The following FRMD3 variants were observed in gnomAD, a reference collection of about 807,000 sequenced individuals.
FRMD3 encodes FERM domain containing 3.
Under a neutral mutation model 70.2 loss-of-function variants are expected in FRMD3, and 33 were observed. That is an observed-to-expected ratio of 0.47 (90% CI 0.36 to 0.63). The LOEUF is 0.63. Ranked by LOEUF, FRMD3 falls within the 20% of genes least tolerant of loss-of-function variation. FRMD3 has a pLI of 0.00. For synonymous variants in FRMD3, 279 were observed against 255.9 expected, an observed-to-expected ratio of 1.09 and a Z score of -0.86; for missense variants, 632 against 711.4, an observed-to-expected ratio of 0.89 and a Z score of 1.27.
intron 13 of FRMD3, among the ~76,000 whole-genome samples, chr9:83,290,123 G>A (rs1485918171): frequency 6.6e-6 from 1 of 152,160 alleles, no homozygotes; most frequent in Non-Finnish European, 1.5e-5. Context: ...CAATTTAATT[G>A]TGATTACAGT....
rs73481824 is a variant in FRMD3 at position 83,292,483 on chromosome 9, C to A, written c.1071-1756G>T. On this transcript the variant is annotated intron_variant, in intron 12 of 13. Transcript: ENST00000304195. ...CCCCAAGAAACACATTTTATATAATCTCCCTGTACCCAAACACACACAGGA... is the reference window on the plus strand; with the variant it reads ...CCCCAAGAAACACATTTTATATAATATCCCTGTACCCAAACACACACAGGA... 8.4e-3 allele frequency among the ~76,000 whole-genome samples: 1,272 copies of A among 151,854 alleles called. 18 individuals are homozygous for A. Among genetic ancestry groups the A allele is most frequent in the African/African-American group, 0.029 (1,215 of 41,422 alleles).
intron 1 of FRMD3, among the ~76,000 whole-genome samples, chr9:83,485,921 GA>G (rs928835063): frequency 2.0e-5 from 3 of 150,446 alleles, no homozygotes; most frequent in Admixed American, 6.6e-5. Flanking sequence ...AAAATTTAAG[GA>G]AAAAAAAGAG....
intron 13 of FRMD3, among the ~76,000 whole-genome samples, chr9:83,265,301 G>A (rs1000135898): frequency 6.6e-6 from 1 of 151,540 alleles, no homozygotes; most frequent in East Asian, 2.0e-4. Flanking sequence ...TCGGGAGGCT[G>A]AGGCAGGAGA....
chr9:83,318,184 T>TA (rs1208344680), intron 6 of FRMD3, among the ~76,000 whole-genome samples: 1 of 152,214 alleles, frequency 6.6e-6, no homozygotes, highest in African/African-American at 2.4e-5. Context: ...TCCATAGTGT[T>TA]AAAGTCTGGG....
At chr9:83,285,278 G>C (rs923311174) in intron 13 of FRMD3, among the ~76,000 whole-genome samples, 3 of 151,990 alleles carry the variant, frequency 2.0e-5, no homozygotes, top group Non-Finnish European at 2.9e-5. Flanking sequence ...ACATTTACAG[G>C]GATGGTGCTA....
chr9:83,362,020 A>G (rs1446047847), intron 3 of FRMD3, among the ~76,000 whole-genome samples: 2 of 152,202 alleles, frequency 1.3e-5, no homozygotes, highest in East Asian at 1.9e-4. Context: ...TAAGCCACCC[A>G]GTATGTGATA....
intron 1 of FRMD3, among the ~76,000 whole-genome samples, chr9:83,422,812 A>C (rs1826683147): frequency 6.6e-6 from 1 of 152,228 alleles, no homozygotes; most frequent in African/African-American, 2.4e-5. Context: ...CAATGTTTAG[A>C]GATGATCAGC....
intron 3 of FRMD3, among the ~76,000 whole-genome samples, chr9:83,367,220 C>T (rs188066385): frequency 2.1e-3 from 324 of 152,232 alleles, no homozygotes; most frequent in Non-Finnish European, 4.1e-3. Flanking sequence ...CATCTCAGTC[C>T]ACATTTGTAC....
the FRMD3 span, among the ~76,000 whole-genome samples, chr9:83,545,359 T>G: frequency 8.6e-5 from 7 of 81,784 alleles, no homozygotes; most frequent in Admixed American, 1.0e-3. Context: ...TTTTTTTGTT[T>G]TTTTTTTTTT....
intron 1 of FRMD3, among the ~76,000 whole-genome samples, chr9:83,391,876 G>T (rs938984268): frequency 6.6e-6 from 1 of 152,146 alleles, no homozygotes; most frequent in African/African-American, 2.4e-5. Context: ...TCACAGAGCA[G>T]CAGCCTCAGT....
intron 1 of FRMD3, among the ~76,000 whole-genome samples, chr9:83,516,066 G>A (rs1289268399): frequency 1.3e-5 from 2 of 152,026 alleles, no homozygotes; most frequent in Admixed American, 6.6e-5. Context: ...AACAACTAAT[G>A]GGCAAAATAA....
chr9:83,459,680 C>A (rs998104421), intron 1 of FRMD3, among the ~76,000 whole-genome samples: 6 of 152,242 alleles, frequency 3.9e-5, no homozygotes, highest in African/African-American at 1.4e-4. Context: ...CTGAAGCCTC[C>A]TCAGAAGTCA....
At chr9:83,520,464 G>A in intron 1 of FRMD3, among the ~76,000 whole-genome samples, 1 of 152,202 alleles carries the variant, frequency 6.6e-6, no homozygotes, top group Non-Finnish European at 1.5e-5. Context: ...TGCTTCCAGA[G>A]TTAGCTACCA....
intron 12 of FRMD3, chr9:83,297,566 C>T (rs1390401992): frequency 3.0e-6 from 1 of 334,044 alleles, no homozygotes; most frequent in Non-Finnish European, 6.0e-6. Flanking sequence ...TTTATCATTT[C>T]CTCTTCATTT....
intron 1 of FRMD3, among the ~76,000 whole-genome samples, chr9:83,486,474 A>G (rs1828692547): frequency 6.6e-6 from 1 of 152,212 alleles, no homozygotes; most frequent in African/African-American, 2.4e-5. Flanking sequence ...TATTTAGTTT[A>G]TATCTTTAAA....
chr9:83,260,471 A>G (rs1351100008), intron 13 of FRMD3, among the ~76,000 whole-genome samples: 1 of 152,086 alleles, frequency 6.6e-6, no homozygotes, highest in African/African-American at 2.4e-5. Context: ...TGCTGAACCC[A>G]TGGTGTCCTT....
At chr9:83,413,650 C>A (rs1260254017) in intron 1 of FRMD3, among the ~76,000 whole-genome samples, 2 of 152,122 alleles carry the variant, frequency 1.3e-5, no homozygotes, top group Non-Finnish European at 2.9e-5. Flanking sequence ...TTTAACAGAA[C>A]CATGCTGCCT....
chr9:83,570,505 G>A, the FRMD3 span, among the ~76,000 whole-genome samples: 4 of 152,216 alleles, frequency 2.6e-5, no homozygotes, highest in African/African-American at 7.2e-5. Context: ...ATAATGCAAT[G>A]AGTACAAAGA....
rs1358382690 is a variant in FRMD3, at chr9:83,244,930, G to A, written c.*2988C>T. ...TGTTTTCATGATCCAACTTGCATTA[G>A]CACTAAAGGCAATATTGTGTGTGTA... On this transcript the variant is annotated 3_prime_UTR_variant, in exon 14 of 14. Transcript: ENST00000304195. 1 of 984,552 alleles carries A rather than the reference G, an allele frequency of 1.0e-6. No homozygotes were observed. The highest frequency in any genetic ancestry group is 1.7e-5 in the African/African-American group (1 of 57,152). The allele number at this position is 984,552 out of a possible 1,614,324, so 61.0% of individuals were successfully genotyped here.
Sources: allele counts gnomAD v4.1 joint callset (sites outside exome capture counted in the v4.1 genomes callset), GRCh38; gene constraint gnomAD v4.1.1; transcripts MANE v1.5; gene names NCBI Gene and HGNC (gene_info 2026-07-23, HGNC 2026-07-21).